Variants in NKAIN3 observed in about 807,000 individuals in gnomAD.
The protein encoded by NKAIN3 is sodium/potassium transporting ATPase interacting 3.
A neutral mutation model predicts 30.2 loss-of-function variants in NKAIN3; 25 were observed. That is an observed-to-expected ratio of 0.83 (90% CI 0.60 to 1.16). The LOEUF (loss-of-function observed/expected upper bound fraction) is 1.16. NKAIN3 is among the 50% of genes most tolerant of loss of function. The pLI is 0.00. For synonymous variants in NKAIN3, 91 were observed against 89.6 expected, an observed-to-expected ratio of 1.02 and a Z score of -0.09; for missense variants, 225 against 254.1, an observed-to-expected ratio of 0.89 and a Z score of 0.78.
intron 1 of NKAIN3, among the ~76,000 whole-genome samples, chr8:62,367,910 A>G (rs1372635071): frequency 6.6e-6 from 1 of 152,192 alleles, no homozygotes; most frequent in African/African-American, 2.4e-5. Flanking sequence ...TACAAAAGTC[A>G]GTAGTGTCTC....
chr8:62,900,549 C>A (rs1821582825), intron 4 of NKAIN3, among the ~76,000 whole-genome samples: 2 of 152,258 alleles, frequency 1.3e-5, no homozygotes, highest in South Asian at 4.1e-4. Context: ...AAACTCTGTG[C>A]CTCAATTTTC....
rs1279940794 is a variant in NKAIN3, at chr8:62,976,998, T to C, written c.*11591T>C. Reference sequence around the variant, plus strand: ...TTGAAAATTCTTTTCTTTAAGAATGTTGAATATTAGCCCCCAATCTCTTGT... The same window carrying C: ...TTGAAAATTCTTTTCTTTAAGAATGCTGAATATTAGCCCCCAATCTCTTGT... On this transcript the variant is annotated 3_prime_UTR_variant, in exon 7 of 7. Coordinates refer to ENST00000623646, the MANE Select transcript of NKAIN3 (RefSeq NM_001304533.3). 6.6e-6 allele frequency among the ~76,000 whole-genome samples: 1 copy of C among 152,236 alleles called. No individual in the cohort carries two copies. The highest frequency in any genetic ancestry group is 1.9e-4 in the East Asian group (1 of 5,190).
chr8:62,842,144 GTTTA>G (rs1284655744), intron 4 of NKAIN3, among the ~76,000 whole-genome samples: 2 of 151,966 alleles, frequency 1.3e-5, no homozygotes, highest in Admixed American at 6.6e-5. Context: ...TTTTAAATCG[GTTTA>G]TTTGTTTGCT....
At position 62,439,749 on chromosome 8, in the gene NKAIN3, A is replaced by G. The variant is rs140121538; in HGVS notation, c.55-139790A>G. On this transcript the variant is annotated intron_variant, in intron 1 of 6. Transcript: ENST00000623646. ...TTCACAGTTTCCTCTGTTAATTTGC[A>G]TAGAACAACCATTGCCACTGAACAT... 6.6e-5 allele frequency among the ~76,000 whole-genome samples: 10 copies of G among 152,356 alleles called. No homozygotes were observed. In the East Asian group the frequency reaches 1.4e-3, roughly 21 times the overall value.
chr8:62,735,697 G>T (rs971659197), intron 3 of NKAIN3, among the ~76,000 whole-genome samples: 2 of 152,056 alleles, frequency 1.3e-5, no homozygotes, highest in African/African-American at 4.8e-5. Flanking sequence ...CGATCTTTTG[G>T]GAGTGTTAAA....
chr8:62,855,611 T>C (rs537292286), intron 4 of NKAIN3: 9 of 1,602,176 alleles, frequency 5.6e-6, no homozygotes, highest in Non-Finnish European at 7.7e-6. Flanking sequence ...CACTGCTTGT[T>C]CAGTCTCCAT....
intron 1 of NKAIN3, among the ~76,000 whole-genome samples, chr8:62,451,506 G>GT (rs1563404794): frequency 1.3e-5 from 2 of 152,108 alleles, no homozygotes; most frequent in Non-Finnish European, 2.9e-5. Context: ...TCAGGAGAAC[G>GT]TATAAGCACC....
At chr8:62,400,760 G>C (rs887315167) in intron 1 of NKAIN3, among the ~76,000 whole-genome samples, 1 of 151,678 alleles carries the variant, frequency 6.6e-6, no homozygotes, top group Non-Finnish European at 1.5e-5. Flanking sequence ...GTCCTGTAAG[G>C]GTTCCACTGA....
At chr8:62,537,724 T>C (rs533710429) in intron 1 of NKAIN3, among the ~76,000 whole-genome samples, 13 of 152,268 alleles carry the variant, frequency 8.5e-5, no homozygotes, top group African/African-American at 3.1e-4. Context: ...ATATCAGTTA[T>C]GAATTCTTTA....
chr8:62,580,199 T>G (rs976774230), intron 2 of NKAIN3, among the ~76,000 whole-genome samples: 21 of 152,216 alleles, frequency 1.4e-4, no homozygotes, highest in African/African-American at 4.8e-4. Context: ...TCATACTGAT[T>G]GATATTGAAT....
chr8:62,993,917 G>A (rs891684159), intron 5 of NKAIN3, among the ~76,000 whole-genome samples: 1 of 152,146 alleles, frequency 6.6e-6, no homozygotes, highest in South Asian at 2.1e-4. Flanking sequence ...AAAGAAGCAT[G>A]CCCCATAACT....
chr8:62,693,942 A>C (rs1212976053), intron 3 of NKAIN3, among the ~76,000 whole-genome samples: 1 of 152,212 alleles, frequency 6.6e-6, no homozygotes, highest in Non-Finnish European at 1.5e-5. Flanking sequence ...TAATCATAAA[A>C]GATTGAATTC....
intron 3 of NKAIN3, among the ~76,000 whole-genome samples, chr8:62,711,310 G>A (rs1035356143): frequency 1.9e-4 from 29 of 152,204 alleles, no homozygotes; most frequent in African/African-American, 4.8e-4. Context: ...GGTTTTCCTC[G>A]ATTATTCCCC....
intron 1 of NKAIN3, among the ~76,000 whole-genome samples, chr8:62,317,561 G>C (rs1306881005): frequency 1.3e-5 from 2 of 152,280 alleles, no homozygotes; most frequent in East Asian, 1.9e-4. Context: ...GTTTTTCTCA[G>C]GTTTGTCAAA....
chr8:62,469,259 T>A (rs906445394), intron 1 of NKAIN3, among the ~76,000 whole-genome samples: 4 of 152,202 alleles, frequency 2.6e-5, no homozygotes, highest in African/African-American at 9.7e-5. Context: ...CTAGAAAACA[T>A]GTTTTGAACA....
At chr8:62,586,200 G>A (rs1563471252) in intron 2 of NKAIN3, among the ~76,000 whole-genome samples, 1 of 152,118 alleles carries the variant, frequency 6.6e-6, no homozygotes, top group Non-Finnish European at 1.5e-5. Flanking sequence ...AAATTTTTCT[G>A]CTATGTCAGC....
intron 3 of NKAIN3, among the ~76,000 whole-genome samples, chr8:62,706,840 A>G (rs1814536373): frequency 6.6e-6 from 1 of 150,846 alleles, no homozygotes; most frequent in Admixed American, 6.6e-5. Flanking sequence ...CTCCCCTCCC[A>G]CTCTTCCTCC....
intron 3 of NKAIN3, among the ~76,000 whole-genome samples, chr8:62,610,125 C>A (rs959345177): frequency 7.2e-5 from 11 of 151,964 alleles, no homozygotes; most frequent in African/African-American, 2.7e-4. Flanking sequence ...GCAGGTGGAT[C>A]ACCTGAGGTC....
At chr8:62,872,496 A>C (rs1048543668) in intron 4 of NKAIN3, among the ~76,000 whole-genome samples, 4 of 152,234 alleles carry the variant, frequency 2.6e-5, no homozygotes, top group African/African-American at 4.8e-5. Context: ...TGAAAGTGCA[A>C]ATGCAGGAGC....
Sources: gnomAD v4.1 joint callset for allele counts (sites outside exome capture counted in the v4.1 genomes callset) on GRCh38, gnomAD v4.1.1 for gene constraint, MANE v1.5 for transcripts, NCBI Gene and HGNC (gene_info 2026-07-23, HGNC 2026-07-21) for gene names.